Variants in GNG7 observed in about 807,000 individuals in gnomAD.
GNG7 encodes G protein subunit gamma 7, also known as guanine nucleotide-binding protein G(I)/G(S)/G(O) subunit gamma-7.
In GNG7, 1 loss-of-function variant was observed where a neutral mutation model predicts 4.0. The observed-to-expected ratio is 0.25, with a 90% CI of 0.09 to 1.18. GNG7 has a LOEUF of 1.18. GNG7 is among the 50% of genes most tolerant of loss of function. GNG7 has a pLI of 0.50. For synonymous variants in GNG7, 34 were observed against 36.9 expected (o/e 0.92, Z 0.29); for missense variants, 86 against 91.9 (o/e 0.94, Z 0.26).
At chr19:2,598,235 G>C (rs1371588209) in intron 2 of GNG7, among the ~76,000 whole-genome samples, 1 of 152,160 alleles carries the variant, frequency 6.6e-6, no homozygotes, top group East Asian at 1.9e-4. Context: ...ATCAAAACTA[G>C]TGGGCGGCCG....
At chr19:2,698,366 C>T (rs1280690477) in intron 1 of GNG7, among the ~76,000 whole-genome samples, 2 of 151,996 alleles carry the variant, frequency 1.3e-5, no homozygotes, top group African/African-American at 4.8e-5. Context: ...GAGTTTGAGA[C>T]CAGCCTGGGC....
chr19:2,567,331 T>TTGTGTGTGTGTGTGTGTGTGTGTGTG (rs3221748), intron 2 of GNG7, among the ~76,000 whole-genome samples: 9,033 of 137,004 alleles, frequency 0.066, 472 homozygotes, highest in Admixed American at 0.15. Flanking sequence ...TGTCGTCGAT[T>TTGTGTGTGTGTGTGTGTGTGTGTGTG]TGTGTGTGTG....
intron 3 of GNG7, among the ~76,000 whole-genome samples, chr19:2,552,857 C>G (rs967681905): frequency 3.5e-4 from 52 of 147,848 alleles, no homozygotes; most frequent in South Asian, 6.5e-4. Flanking sequence ...CTCCACCCCC[C>G]CCACCTCCCC....
chr19:2,524,210 T>C (rs1978326831), intron 3 of GNG7, among the ~76,000 whole-genome samples: 1 of 152,160 alleles, frequency 6.6e-6, no homozygotes. Context: ...GCAATTTCCA[T>C]GTGAGCATCA....
chr19:2,696,290 G>GAA (rs1568287817), intron 1 of GNG7, among the ~76,000 whole-genome samples: 16 of 126,818 alleles, frequency 1.3e-4, no homozygotes, highest in Admixed American at 1.7e-4. Context: ...AAAAGAGAGA[G>GAA]AGAGAAAGAA....
At chr19:2,620,871 C>G (rs1014714370) in intron 2 of GNG7, among the ~76,000 whole-genome samples, 1 of 152,170 alleles carries the variant, frequency 6.6e-6, no homozygotes, top group East Asian at 1.9e-4. Context: ...GGTGGAAATG[C>G]TGGCTGCCTT....
At chr19:2,564,906 T>C (rs1259027611) in intron 2 of GNG7, among the ~76,000 whole-genome samples, 1 of 148,916 alleles carries the variant, frequency 6.7e-6, no homozygotes, top group Non-Finnish European at 1.5e-5. Context: ...AAAAAAAGAA[T>C]CAGGCCAGAT....
rs1981411027 is a variant in GNG7 at position 2,607,190 on chromosome 19, C to T, written c.-78+39034G>A. Among the ~76,000 whole-genome samples the T allele has an allele frequency of 2.0e-5, 3 of 148,858 alleles. No homozygotes were observed. In the South Asian group the frequency reaches 6.5e-4, roughly 32 times the overall value. Reference sequence around the variant, plus strand: ...GAGCTGTGATCGCACCACTGCACTCCAGCCTGGGCGACAGAGCAAGACCCT... The same window carrying T: ...GAGCTGTGATCGCACCACTGCACTCTAGCCTGGGCGACAGAGCAAGACCCT... On this transcript the variant is annotated intron_variant, in intron 2 of 4. Transcript: ENST00000382159.
intron 1 of GNG7, among the ~76,000 whole-genome samples, chr19:2,657,399 T>TATATATATATATATATACAC (rs1332253018): frequency 1.5e-4 from 12 of 80,722 alleles, no homozygotes; most frequent in Non-Finnish European, 2.1e-4. Context: ...TATATATATA[T>TATATATATATATATATACAC]ACACATAATA....
At chr19:2,625,229 C>CT (rs1981986977) in intron 2 of GNG7, among the ~76,000 whole-genome samples, 1 of 152,104 alleles carries the variant, frequency 6.6e-6, no homozygotes, top group Admixed American at 6.6e-5. Context: ...CCACTGCACC[C>CT]GGCTAATTTT....
chr19:2,563,410 A>G (rs901338919), intron 2 of GNG7, among the ~76,000 whole-genome samples: 3 of 152,192 alleles, frequency 2.0e-5, no homozygotes, highest in Non-Finnish European at 2.9e-5. Context: ...AGTCGTGACT[A>G]CCAGAAATGT....
intron 2 of GNG7, among the ~76,000 whole-genome samples, chr19:2,566,206 G>A: frequency 6.6e-6 from 1 of 152,078 alleles, no homozygotes; most frequent in East Asian, 1.9e-4. Flanking sequence ...GGGGACATTT[G>A]GACACAGATG....
In GNG7 at chr19:2,513,622, G is replaced by A; in HGVS notation, c.*1400C>T. 1 of 979,410 alleles carries A rather than the reference G, an allele frequency of 1.0e-6. No individual in the cohort carries two copies. Among genetic ancestry groups the A allele is most frequent in the South Asian group, 4.7e-5 (1 of 21,156 alleles). 60.7% of individuals were successfully genotyped at this position (979,410 alleles called of 1,614,324 possible). Reference sequence around the variant, plus strand: ...TCAGACAGCCGTCCTGGGTTGCACGGGGGTGGAAAAGCAAAAAGATCGGGT... The same window carrying A: ...TCAGACAGCCGTCCTGGGTTGCACGAGGGTGGAAAAGCAAAAAGATCGGGT... On this transcript the variant is annotated 3_prime_UTR_variant, in exon 5 of 5. Transcript: ENST00000382159.
chr19:2,529,293 T>C (rs1227843837), intron 3 of GNG7, among the ~76,000 whole-genome samples: 1 of 152,234 alleles, frequency 6.6e-6, no homozygotes, highest in Non-Finnish European at 1.5e-5. Context: ...CTCGGCTCAC[T>C]GCAACCTCCG....
chr19:2,694,483 C>T (rs1003468977), intron 1 of GNG7, among the ~76,000 whole-genome samples: 5 of 151,458 alleles, frequency 3.3e-5, no homozygotes, highest in African/African-American at 9.7e-5. Context: ...GGCCCCACCC[C>T]AGAGAACAAT....
At chr19:2,572,696 C>T (rs1162593930) in intron 2 of GNG7, among the ~76,000 whole-genome samples, 2 of 151,426 alleles carry the variant, frequency 1.3e-5, no homozygotes, top group African/African-American at 2.4e-5. Flanking sequence ...TGGGCTCAAG[C>T]GATCCTCCCA....
chr19:2,586,109 G>A (rs1259766032), intron 2 of GNG7, among the ~76,000 whole-genome samples: 2 of 152,176 alleles, frequency 1.3e-5, no homozygotes, highest in African/African-American at 4.8e-5. Context: ...AAAGTTGTAC[G>A]ATTTTGATGA....
intron 1 of GNG7, among the ~76,000 whole-genome samples, chr19:2,674,639 T>C (rs931778460): frequency 1.3e-5 from 2 of 152,166 alleles, no homozygotes; most frequent in Non-Finnish European, 2.9e-5. Flanking sequence ...TTTTACCATG[T>C]TGGCCAGGCT....
In GNG7 at chr19:2,511,662, T is replaced by C. The variant is rs550938685; in HGVS notation, c.*3360A>G. 37 of 359,880 alleles carry C rather than the reference T, an allele frequency of 1.0e-4. 1 individual carries two copies. The highest frequency in any genetic ancestry group is 1.3e-4 in the Non-Finnish European group (33 of 258,004). The allele number at this position is 359,880 out of a possible 1,614,324, so 22.3% of individuals were successfully genotyped here. A position where few individuals can be genotyped will look rare whatever the true frequency, so the allele number is the denominator to read the frequency against. On this transcript the variant is annotated 3_prime_UTR_variant, in exon 5 of 5. Transcript: ENST00000382159. This position sits in a 1 kb window ranked among gnomAD's most constrained non-coding sequence, Gnocchi z 6.3. ...AACTTGGGCAGGACGGGCTGTTAAC[T>C]TGGAGATGGATGCGTGGCCTGGAGG...
Sources: gnomAD v4.1 joint callset for allele counts (sites outside exome capture counted in the v4.1 genomes callset) on GRCh38, gnomAD v4.1.1 for gene constraint, Gnocchi (gnomAD v3.1) non-coding constraint, MANE v1.5 for transcripts, NCBI Gene and HGNC (gene_info 2026-07-23, HGNC 2026-07-21) for gene names.